INF2: variants seen among roughly 807,000 people sequenced by gnomAD.
INF2 encodes the protein inverted formin-2.
In INF2, 43 loss-of-function variants were observed where a neutral mutation model predicts 123.5. That is an observed-to-expected ratio of 0.35 (90% CI 0.27 to 0.45). INF2 has a LOEUF of 0.45. Among genes scored for constraint, INF2 ranks in the 20% least tolerant of loss-of-function variants. The pLI, the probability that INF2 is intolerant of heterozygous loss-of-function variation, is 1.00. For synonymous variants in INF2, 851 were observed against 745.0 expected (o/e 1.14, Z -2.32); for missense variants, 1,453 against 1,682.7 (o/e 0.86, Z 2.39).
intron 22 of INF2, among the ~76,000 whole-genome samples, chr14:104,717,853 C>T (rs1890385115): frequency 6.6e-6 from 1 of 152,102 alleles, no homozygotes; most frequent in Non-Finnish European, 1.5e-5. Context: ...GTTCTGTGTT[C>T]GCCGCCCCTC....
rs974450271 is a variant in INF2, at chr14:104,701,249, T to C, written c.-9-108T>C. 52 of 1,259,060 alleles carry C rather than the reference T, an allele frequency of 4.1e-5. No individual in the cohort carries two copies. The Admixed American group carries it at 1.0e-3, about 25-fold the overall frequency. 78.0% of individuals were successfully genotyped at this position (1,259,060 alleles called of 1,614,324 possible). ...CCTCAGCATGGCACGTGAGCAGGAA[T>C]TGCAGCAGAGAAACTGAGACCGAGG... On this transcript the variant is annotated intron_variant, in intron 1 of 22. Transcript: ENST00000392634.
At chr14:104,692,898 G>A (rs1889021584) in intron 1 of INF2, among the ~76,000 whole-genome samples, 1 of 152,208 alleles carries the variant, frequency 6.6e-6, no homozygotes, top group East Asian at 1.9e-4. Context: ...AGAGTCCTGA[G>A]AGAAGGGCCA....
At position 104,699,482 on chromosome 14, in the gene INF2, C is replaced by A; in HGVS notation, c.-9-1875C>A. ...CTGAGGCTGCCTGGGAGGGACCCGG[C>A]TGTCTCTGGCAGCTCAGCGGTCAGC... is the stretch of plus-strand genomic sequence containing the variant. On this transcript the variant is annotated intron_variant, in intron 1 of 22. Coordinates refer to ENST00000392634, the MANE Select transcript of INF2 (RefSeq NM_022489.4). The surrounding 1 kb of genome is among the most constrained non-coding windows in gnomAD (Gnocchi z 4.7). 2 of 985,340 alleles carry A rather than the reference C, an allele frequency of 2.0e-6. No homozygotes were observed. Among genetic ancestry groups the A allele is most frequent in the Non-Finnish European group, 2.4e-6 (2 of 829,898 alleles). The allele number at this position is 985,340 out of a possible 1,614,324, so 61.0% of individuals were successfully genotyped here.
chr14:104,715,665 G>A, intron 22 of INF2: 1 of 568,206 alleles, frequency 1.8e-6, no homozygotes, highest in Non-Finnish European at 3.3e-6. Flanking sequence ...CTGGGGCGTG[G>A]GCGGGACCTC....
exon 1 of INF2, chr14:104,681,324 G>A (rs115800705): frequency 1.9e-5 from 8 of 422,322 alleles, no homozygotes; most frequent in African/African-American, 1.0e-4. Flanking sequence ...GTGAAAAGAG[G>A]AACAAAGAAC....
chr14:104,699,556 A>G lies in INF2; in HGVS notation c.-9-1801A>G. The G allele has an allele frequency of 2.0e-6, 2 of 984,956 alleles. No homozygotes were observed. Among genetic ancestry groups the G allele is most frequent in the African/African-American group, 3.5e-5 (2 of 57,202 alleles). 61.0% of individuals were successfully genotyped at this position (984,956 alleles called of 1,614,324 possible). ...TGAGGAGCAGCCCAGGACAGGGCCC[A>G]GAGTGGGTGGGCAGAGGTGGCCGGA... is the stretch of plus-strand genomic sequence containing the variant. On this transcript the variant is annotated intron_variant, in intron 1 of 22. Coordinates refer to ENST00000392634, the MANE Select transcript of INF2 (RefSeq NM_022489.4). This position sits in a 1 kb window ranked among gnomAD's most constrained non-coding sequence, Gnocchi z 4.7.
intron 1 of INF2, among the ~76,000 whole-genome samples, chr14:104,697,992 T>C (rs1037721034): frequency 6.6e-6 from 1 of 152,242 alleles, no homozygotes; most frequent in African/African-American, 2.4e-5. Flanking sequence ...AGAGCCTGGA[T>C]GGTCCTGCCC....
At chr14:104,694,720 C>T (rs959415281) in intron 1 of INF2, among the ~76,000 whole-genome samples, 2 of 152,252 alleles carry the variant, frequency 1.3e-5, no homozygotes, top group African/African-American at 4.8e-5. Flanking sequence ...GTGCTGGGTG[C>T]GCAGGCTCAG....
At chr14:104,697,592 C>T (rs1566775289) in intron 1 of INF2, among the ~76,000 whole-genome samples, 1 of 152,244 alleles carries the variant, frequency 6.6e-6, no homozygotes, top group Non-Finnish European at 1.5e-5. Flanking sequence ...CCGGTGGCTT[C>T]CCGAGAGTCA....
Position 104,710,147 on chromosome 14 carries a change from T to C in INF2, c.2198T>C (p.Met733Thr). The change falls in exon 13 of 23, where the codon ATG becomes ACG. Residue 733 changes from methionine to threonine, a missense_variant. Transcript: ENST00000392634. The part of the protein sequence containing the change: ...LCEGAAAVLD[M>T]VRPKAQLVLA... ...GAGGGCGCGGCCGCCGTGCTGGACA[T>C]GGTGCGGCCCAAGGCCCAGCTGGTG... is the stretch of plus-strand genomic sequence containing the variant. 6.4e-7 allele frequency: 1 copy of C among 1,553,240 alleles called. No homozygotes were observed. The highest frequency in any genetic ancestry group is 8.7e-7 in the Non-Finnish European group (1 of 1,149,166).
chr14:104,696,851 A>C (rs958601494), intron 1 of INF2, among the ~76,000 whole-genome samples: 20 of 151,704 alleles, frequency 1.3e-4, no homozygotes, highest in Non-Finnish European at 2.9e-5. Context: ...CCCACCACCA[A>C]CGCTGGCTCA....
At chr14:104,705,404 G>A (rs1255029528) in intron 5 of INF2, among the ~76,000 whole-genome samples, 1 of 143,876 alleles carries the variant, frequency 7.0e-6, no homozygotes, top group Non-Finnish European at 1.5e-5. Flanking sequence ...GTGACAGAGC[G>A]AGACTCCATC....
chr14:104,700,711 TA>T, intron 1 of INF2: 2 of 361,478 alleles, frequency 5.5e-6, no homozygotes, highest in Non-Finnish European at 7.7e-6. Context: ...TGAATCCTGG[TA>T]AAACCCTGAG....
chr14:104,703,151 A>G lies in INF2; in HGVS notation c.438A>G (p.Leu146=), dbSNP rs1352639875. Residue 146 remains leucine, a synonymous_variant, in exon 3 of 23, where the codon CTA becomes CTG. Coordinates refer to ENST00000392634, the MANE Select transcript of INF2 (RefSeq NM_022489.4). ...TGGTGAAGAAGCAGGTGTTTGAGCTACTGGCTGCCCTGTGCATCTACTCTC... is the reference window on the plus strand; with the variant it reads ...TGGTGAAGAAGCAGGTGTTTGAGCTGCTGGCTGCCCTGTGCATCTACTCTC... ...NVMVKKQVFE[L]LAALCIYSPE... The G allele has an allele frequency of 6.2e-7, 1 of 1,613,618 alleles. No individual in the cohort carries two copies. The highest frequency in any genetic ancestry group is 8.5e-7 in the Non-Finnish European group (1 of 1,179,930).
chr14:104,701,734 C>A lies in INF2; in HGVS notation c.369C>A (p.Gly123=), dbSNP rs1403997271. The change falls in exon 2 of 23, where the codon GGC becomes GGA. Residue 123 remains glycine, a synonymous_variant. Coordinates refer to ENST00000392634, the MANE Select transcript of INF2 (RefSeq NM_022489.4). ...TCGAGTACATCCTCAGCAACCAGGG[C>A]TACGTGCGCCAGCTCTCCCAGGGTG... ...QGIEYILSNQ[G]YVRQLSQALD... is the part of the protein sequence containing the mutation. 6.6e-7 allele frequency: 1 copy of A among 1,522,820 alleles called. No individual in the cohort carries two copies. The highest frequency in any genetic ancestry group is 1.3e-5 in the South Asian group (1 of 79,698). 94.3% of individuals were successfully genotyped at this position (1,522,820 alleles called of 1,614,324 possible).
chr14:104,705,769 C>T (rs534617536), intron 5 of INF2, among the ~76,000 whole-genome samples: 29 of 152,346 alleles, frequency 1.9e-4, no homozygotes, highest in African/African-American at 6.0e-4. Context: ...TGGGCATACT[C>T]GCCCTTCCCC....
In INF2 at chr14:104,713,486, G is replaced by A. The variant is rs1357412493; in HGVS notation, c.2920G>A (p.Asp974Asn). 6.2e-7 allele frequency: 1 copy of A among 1,611,594 alleles called. No homozygotes were observed. The highest frequency in any genetic ancestry group is 8.5e-7 in the Non-Finnish European group (1 of 1,179,456). The change falls in exon 20 of 23, where the codon GAT becomes AAT. Residue 974 changes from aspartate (D) to asparagine (N), a missense_variant. Physicochemically the swap from Asp to Asn is conservative, Grantham distance 23 (BLOSUM62 1). Coordinates refer to ENST00000392634, the MANE Select transcript of INF2 (RefSeq NM_022489.4). Reference sequence around the variant, plus strand: ...GAAGCAGGAGGAGGTGTGTGTCATCGATGCCCTGCTGGCTGACATCAGGAA... The same window carrying A: ...GAAGCAGGAGGAGGTGTGTGTCATCAATGCCCTGCTGGCTGACATCAGGAA... ...PGKQEEVCVI[D>N]ALLADIRKGF...
rs749468290 is a variant in INF2 at position 104,701,452 on chromosome 14, C to T, written c.87C>T (p.Asn29=). Residue 29 remains asparagine (N), a synonymous_variant, in exon 2 of 23, where the codon AAC becomes AAT. Transcript: ENST00000392634. ...AGGATTCGGACCCCACGGAGGCCAA[C>T]CTGGAGAGCGCGGACCCCGAGCTGT... The part of the protein sequence containing the change: ...GPQDSDPTEA[N]LESADPELCI... 6.3e-7 allele frequency: 1 copy of T among 1,598,682 alleles called. No homozygotes were observed. The highest frequency in any genetic ancestry group is 8.5e-7 in the Non-Finnish European group (1 of 1,172,798).
In INF2 at chr14:104,701,682, G is replaced by T; in HGVS notation, c.317G>T (p.Arg106Leu). The T allele has an allele frequency of 6.3e-7, 1 of 1,577,406 alleles. No individual in the cohort carries two copies. Among genetic ancestry groups the T allele is most frequent in the Non-Finnish European group, 8.6e-7 (1 of 1,162,814 alleles). The change falls in exon 2 of 23, where the codon CGC becomes CTC. Residue 106 changes from arginine to leucine, a missense_variant. Physicochemically the swap from Arg to Leu is moderately radical, Grantham distance 102. Coordinates refer to ENST00000392634, the MANE Select transcript of INF2 (RefSeq NM_022489.4). ...CAGCTCACCTGCGTCAGCTGCGTGC[G>T]CGCCGTCATGAACTCGCGGCAGGGC... ...LLQLTCVSCV[R>L]AVMNSRQGIE...
Sources: allele counts gnomAD v4.1 joint callset (sites outside exome capture counted in the v4.1 genomes callset), GRCh38; gene constraint gnomAD v4.1.1; non-coding constraint Gnocchi (gnomAD v3.1); transcripts MANE v1.5; gene names NCBI Gene and HGNC (gene_info 2026-07-23, HGNC 2026-07-21).